Variants in SPATS2L observed in about 807,000 individuals in gnomAD.
The protein encoded by SPATS2L is SPATS2-like protein.
A neutral mutation model predicts 59.6 loss-of-function variants in SPATS2L; 30 were observed. That is an observed-to-expected ratio of 0.50 (90% CI 0.38 to 0.68). SPATS2L has a LOEUF of 0.68. Among genes scored for constraint, SPATS2L ranks in the 30% least tolerant of loss-of-function variants. SPATS2L has a pLI of 0.00. For missense variants in SPATS2L, 615 were observed against 700.0 expected (o/e 0.88, Z 1.37); for synonymous variants, 252 against 263.5 (o/e 0.96, Z 0.42).
At chr2:200,334,055 C>A (rs1288467426) in intron 2 of SPATS2L, among the ~76,000 whole-genome samples, 1 of 152,240 alleles carries the variant, frequency 6.6e-6, no homozygotes, top group Non-Finnish European at 1.5e-5. Context: ...ATTTCTGGTT[C>A]TAGATCCCTG....
intron 10 of SPATS2L, 60 bp from the exon 11 acceptor site, chr2:200,469,854 G>A (rs751994609): frequency 2.1e-4 from 276 of 1,341,542 alleles, no homozygotes; most frequent in Non-Finnish European, 2.7e-4. Context: ...ACGCATCCAC[G>A]GGGGTGCCTT....
At chr2:200,421,890 T>C (rs1170473881) in intron 6 of SPATS2L, among the ~76,000 whole-genome samples, 1 of 152,254 alleles carries the variant, frequency 6.6e-6, no homozygotes, top group Non-Finnish European at 1.5e-5. Flanking sequence ...ATATCAATCA[T>C]AGACTAAAAG....
chr2:200,379,586 A>C (rs2081728839), intron 2 of SPATS2L, among the ~76,000 whole-genome samples: 1 of 151,974 alleles, frequency 6.6e-6, no homozygotes, highest in Non-Finnish European at 1.5e-5. Flanking sequence ...CTTTTTCAAC[A>C]TTGGGGAGTT....
At chr2:200,332,725 G>C (rs2079986972) in intron 2 of SPATS2L, among the ~76,000 whole-genome samples, 1 of 144,390 alleles carries the variant, frequency 6.9e-6, no homozygotes, top group Non-Finnish European at 1.5e-5. Flanking sequence ...TGAATTACTG[G>C]AATTCATTAT....
chr2:200,423,362 G>A (rs1415962202), intron 6 of SPATS2L, among the ~76,000 whole-genome samples: 1 of 152,196 alleles, frequency 6.6e-6, no homozygotes, highest in Non-Finnish European at 1.5e-5. Flanking sequence ...CTGCAGATGA[G>A]TGTTAAGCTG....
At chr2:200,396,093 GA>G (rs1202473183) in intron 3 of SPATS2L, among the ~76,000 whole-genome samples, 1 of 92,502 alleles carries the variant, frequency 1.1e-5, no homozygotes, top group Non-Finnish European at 2.1e-5. Context: ...AGATTGGAAA[GA>G]AAAAGTAAAA....
At chr2:200,377,288 C>T (rs994692013) in intron 2 of SPATS2L, among the ~76,000 whole-genome samples, 3 of 152,136 alleles carry the variant, frequency 2.0e-5, no homozygotes, top group Non-Finnish European at 2.9e-5. Flanking sequence ...TGCTTGTTTT[C>T]GGTCATAAGA....
intron 6 of SPATS2L, among the ~76,000 whole-genome samples, chr2:200,421,633 T>C (rs915622011): frequency 6.6e-5 from 10 of 152,234 alleles, no homozygotes; most frequent in Non-Finnish European, 1.3e-4. Context: ...ATGTCATCCT[T>C]ACTCACTTCA....
At chr2:200,384,843 A>G (rs2081941246) in intron 2 of SPATS2L, among the ~76,000 whole-genome samples, 1 of 152,230 alleles carries the variant, frequency 6.6e-6, no homozygotes, top group Admixed American at 6.5e-5. Context: ...ACTGAAATCT[A>G]AATTGCAATT....
intron 1 of SPATS2L, among the ~76,000 whole-genome samples, chr2:200,307,127 G>A (rs1020145913): frequency 6.6e-6 from 1 of 151,108 alleles, no homozygotes; most frequent in Non-Finnish European, 1.5e-5. Context: ...CGGACGCGAA[G>A]GTCGCCGTCC....
At position 200,477,941 on chromosome 2, in the gene SPATS2L, G is replaced by A. The variant is rs1482676735; in HGVS notation, c.1587G>A (p.Arg529=). 6.2e-7 allele frequency: 1 copy of A among 1,611,548 alleles called. No homozygotes were observed. The highest frequency in any genetic ancestry group is 8.5e-7 in the Non-Finnish European group (1 of 1,179,666). ...EARPFRGSVG[R]VSQCNLCPTR... ...GGCCCTTCCGGGGTAGTGTCGGTAG[G>A]GTTTCACAGTGCAATCTCTGCCCCA... Residue 529 remains arginine (R), a synonymous_variant, in exon 13 of 13, where the codon AGG becomes AGA. Transcript: ENST00000409140.
intron 2 of SPATS2L, among the ~76,000 whole-genome samples, chr2:200,372,525 C>T (rs1248376749): frequency 6.6e-6 from 1 of 152,048 alleles, no homozygotes; most frequent in Non-Finnish European, 1.5e-5. Flanking sequence ...AATGTTGTTC[C>T]TCCCATTGAT....
chr2:200,398,018 G>A (rs993221977), intron 3 of SPATS2L, among the ~76,000 whole-genome samples: 5 of 152,190 alleles, frequency 3.3e-5, no homozygotes, highest in African/African-American at 1.2e-4. Context: ...AGCAGAGAAT[G>A]TCTCAAACTT....
At chr2:200,456,296 C>T (rs1559148934) in intron 8 of SPATS2L, among the ~76,000 whole-genome samples, 1 of 152,194 alleles carries the variant, frequency 6.6e-6, no homozygotes, top group Admixed American at 6.5e-5. Context: ...GATAGCAGAG[C>T]TTGAATTACT....
At chr2:200,337,680 C>T (rs536899813) in intron 2 of SPATS2L, among the ~76,000 whole-genome samples, 192 of 152,278 alleles carry the variant, frequency 1.3e-3, no homozygotes, top group African/African-American at 4.5e-3. Context: ...GTGGAGAGTT[C>T]GGGAGATGCA....
intron 3 of SPATS2L, among the ~76,000 whole-genome samples, chr2:200,403,900 C>T (rs572499566): frequency 3.3e-5 from 5 of 151,374 alleles, no homozygotes; most frequent in African/African-American, 1.2e-4. Context: ...TTTTTAAGCC[C>T]CAAAGCGAAT....
intron 3 of SPATS2L, among the ~76,000 whole-genome samples, chr2:200,391,050 C>T (rs912728980): frequency 2.6e-5 from 4 of 152,046 alleles, no homozygotes; most frequent in South Asian, 4.2e-4. Context: ...ATCCCAGCTA[C>T]TCAGGAGGCT....
chr2:200,348,045 G>A (rs916218562), intron 2 of SPATS2L, among the ~76,000 whole-genome samples: 1 of 152,158 alleles, frequency 6.6e-6, no homozygotes, highest in Non-Finnish European at 1.5e-5. Context: ...TTTCCAGTAT[G>A]GCTTGCTGAT....
chr2:200,359,866 G>A (rs1454528555), intron 2 of SPATS2L, among the ~76,000 whole-genome samples: 3 of 152,172 alleles, frequency 2.0e-5, no homozygotes, highest in Non-Finnish European at 4.4e-5. Context: ...AGTCTGTCTG[G>A]ACTACTCCAG....
Sources: allele counts gnomAD v4.1 joint callset (sites outside exome capture counted in the v4.1 genomes callset), GRCh38; gene constraint gnomAD v4.1.1; transcripts MANE v1.5; gene names NCBI Gene and HGNC (gene_info 2026-07-23, HGNC 2026-07-21).